Variants in SLC44A5 observed in about 807,000 individuals in gnomAD.
The protein encoded by SLC44A5 is choline transporter-like protein 5.
SLC44A5 carries 57 observed loss-of-function variants against 101.8 expected under a neutral mutation model. The ratio of observed to expected loss-of-function variants is 0.56; its 90% confidence interval spans 0.45 to 0.70. The LOEUF is 0.70. SLC44A5 is among the 30% of genes least tolerant of loss of function. The pLI is 0.00. For missense variants in SLC44A5, 737 were observed against 853.1 expected, an observed-to-expected ratio of 0.86 and a Z score of 1.70; for synonymous variants, 281 against 290.9, an observed-to-expected ratio of 0.97 and a Z score of 0.35.
At chr1:75,559,469 C>T (rs1329646837) in intron 1 of SLC44A5, among the ~76,000 whole-genome samples, 1 of 152,110 alleles carries the variant, frequency 6.6e-6, no homozygotes, top group South Asian at 2.1e-4. Context: ...CTGATAATAT[C>T]GGATAGTTCA....
chr1:75,658,399 C>CA, the SLC44A5 span, among the ~76,000 whole-genome samples: 11,646 of 151,244 alleles, frequency 0.077, 1,512 homozygotes, highest in African/African-American at 0.27. Flanking sequence ...TTAACAAATT[C>CA]AAAAAAAATC....
chr1:75,254,164 G>A (rs1649817939), intron 6 of SLC44A5, among the ~76,000 whole-genome samples: 1 of 151,902 alleles, frequency 6.6e-6, no homozygotes, highest in African/African-American at 2.4e-5. Context: ...TCGGCCTTCT[G>A]AGTAGATGGG....
At chr1:75,698,203 CACAG>C in the SLC44A5 span, among the ~76,000 whole-genome samples, 2 of 152,200 alleles carry the variant, frequency 1.3e-5, no homozygotes, top group Admixed American at 6.5e-5. Flanking sequence ...GGGGGCAGGG[CACAG>C]ACAAACAAAA....
chr1:75,535,443 G>A (rs1190763584), intron 2 of SLC44A5, among the ~76,000 whole-genome samples: 1 of 152,222 alleles, frequency 6.6e-6, no homozygotes, highest in East Asian at 1.9e-4. Flanking sequence ...TTCTTCCATC[G>A]TGTGGAAACA....
chr1:75,481,575 C>G (rs1179060219), intron 2 of SLC44A5, among the ~76,000 whole-genome samples: 1 of 151,832 alleles, frequency 6.6e-6, no homozygotes, highest in Non-Finnish European at 1.5e-5. Flanking sequence ...ACAAACGACC[C>G]CATCAAAAGG....
At chr1:75,622,669 T>C in the SLC44A5 span, among the ~76,000 whole-genome samples, 1 of 152,110 alleles carries the variant, frequency 6.6e-6, no homozygotes, top group Non-Finnish European at 1.5e-5. Flanking sequence ...ATAGAGATAG[T>C]TGTGTATAAT....
chr1:75,342,891 T>A (rs1657988027), intron 3 of SLC44A5, among the ~76,000 whole-genome samples: 1 of 152,176 alleles, frequency 6.6e-6, no homozygotes, highest in Admixed American at 6.6e-5. Flanking sequence ...GATGATAAGA[T>A]TGAGCTGATT....
intron 12 of SLC44A5, 102 bp from the exon 13 acceptor site, chr1:75,227,959 T>C: frequency 1.1e-6 from 1 of 930,138 alleles, no homozygotes; most frequent in Non-Finnish European, 1.5e-6. Flanking sequence ...ATCAGCATGG[T>C]AATTTCTGCA....
intron 1 of SLC44A5, among the ~76,000 whole-genome samples, chr1:75,606,558 C>A (rs2102169482): frequency 6.6e-6 from 1 of 152,152 alleles, no homozygotes; most frequent in South Asian, 2.1e-4. Context: ...CATATCATTT[C>A]TTTGCTCCCT....
At chr1:75,401,636 C>A (rs1160465839) in intron 2 of SLC44A5, among the ~76,000 whole-genome samples, 1 of 151,984 alleles carries the variant, frequency 6.6e-6, no homozygotes, top group South Asian at 2.1e-4. Context: ...TGAGCTGGGG[C>A]TAGAGAAGTG....
rs760660451 is a variant in SLC44A5 at position 75,251,259 on chromosome 1, C to T, written c.296G>A (p.Arg99His). 2.5e-5 allele frequency: 41 copies of T among 1,613,104 alleles called. No individual in the cohort carries two copies. Among genetic ancestry groups the T allele is most frequent in the Admixed American group, 1.2e-4 (7 of 59,880 alleles). ...KTILFYFNLL[R>H]CTSPSVLLNL... Reference sequence around the variant, plus strand: ...TAGCAACACGGAGGGACTGGTACAGCGTAACAGGTTAAAGTAAAACAAAAT... The same window carrying T: ...TAGCAACACGGAGGGACTGGTACAGTGTAACAGGTTAAAGTAAAACAAAAT... Residue 99 changes from arginine to histidine, a missense_variant, in exon 7 of 24, where the codon CGC becomes CAC. Around this residue, in one of 3 missense-constraint regions of SLC44A5, gnomAD observed 665 missense variants for 764.4 expected, o/e 0.87. Transcript: ENST00000370859.
intron 2 of SLC44A5, among the ~76,000 whole-genome samples, chr1:75,480,528 T>C (rs2101771594): frequency 6.6e-6 from 1 of 152,328 alleles, no homozygotes; most frequent in East Asian, 1.9e-4. Context: ...CAAAATCTTC[T>C]TAAGCTGATA....
intron 6 of SLC44A5, among the ~76,000 whole-genome samples, chr1:75,254,087 G>A (rs961473415): frequency 6.6e-6 from 1 of 151,778 alleles, no homozygotes; most frequent in Non-Finnish European, 1.5e-5. Context: ...CGCCCAGGCT[G>A]GAGTGCAGTG....
chr1:75,515,236 G>T (rs1278973024), intron 2 of SLC44A5, among the ~76,000 whole-genome samples: 2 of 152,056 alleles, frequency 1.3e-5, no homozygotes, highest in African/African-American at 4.8e-5. Flanking sequence ...ACTAAATCAA[G>T]CTAGCTAACA....
intron 3 of SLC44A5, among the ~76,000 whole-genome samples, chr1:75,357,697 G>A (rs1458893301): frequency 2.0e-5 from 3 of 152,074 alleles, no homozygotes. Flanking sequence ...AGGAAAACTT[G>A]GGATAGAAAA....
Position 75,218,473 on chromosome 1 carries a change from T to A in SLC44A5, c.1529+17A>T. ...TGTAACTGACAAGATAGGTGTAGGC[T>A]TCAACTTGAAACTTACCGTATGGCT... On this transcript the variant is annotated intron_variant, in intron 17 of 23. Coordinates refer to ENST00000370859, the MANE Select transcript of SLC44A5 (RefSeq NM_001130058.2). 1.1e-5 allele frequency: 18 copies of A among 1,613,194 alleles called. No homozygotes were observed. Among genetic ancestry groups the A allele is most frequent in the Non-Finnish European group, 1.5e-5 (18 of 1,179,310 alleles).
At chr1:75,480,390 A>C (rs925252257) in intron 2 of SLC44A5, among the ~76,000 whole-genome samples, 2 of 152,190 alleles carry the variant, frequency 1.3e-5, no homozygotes, top group African/African-American at 4.8e-5. Context: ...ATAGTGTTGG[A>C]AGTTCTGGCC....
intron 2 of SLC44A5, among the ~76,000 whole-genome samples, chr1:75,521,311 T>G (rs958806201): frequency 1.3e-5 from 2 of 152,302 alleles, no homozygotes; most frequent in South Asian, 2.1e-4. Flanking sequence ...GTGTAACGTC[T>G]GGGACGACAT....
chr1:75,470,475 T>C (rs552281154), intron 2 of SLC44A5, among the ~76,000 whole-genome samples: 2 of 152,282 alleles, frequency 1.3e-5, no homozygotes, highest in South Asian at 4.1e-4. Flanking sequence ...TATAGTCTAG[T>C]GAGGACTACT....
Sources: allele counts gnomAD v4.1 joint callset (sites outside exome capture counted in the v4.1 genomes callset), GRCh38; gene constraint gnomAD v4.1.1; regional missense constraint gnomAD v4.1.1; transcripts MANE v1.5; gene names NCBI Gene and HGNC (gene_info 2026-07-23, HGNC 2026-07-21).